OTP: variants seen among roughly 807,000 people sequenced by gnomAD.
OTP encodes homeobox protein orthopedia.
A neutral mutation model predicts 22.3 loss-of-function variants in OTP; 5 were observed. That is an observed-to-expected ratio of 0.22 (90% CI 0.12 to 0.47). The LOEUF is 0.47. Among genes scored for constraint, OTP ranks in the 20% least tolerant of loss-of-function variants. The probability of loss-of-function intolerance (pLI) is 0.99; values close to 1 mark genes in which losing one functional copy is unlikely to be tolerated. For missense variants in OTP, 428 were observed against 456.2 expected, an observed-to-expected ratio of 0.94 and a Z score of 0.56; for synonymous variants, 229 against 210.6, an observed-to-expected ratio of 1.09 and a Z score of -0.76.
intron 2 of OTP, among the ~76,000 whole-genome samples, chr5:77,633,105 ATGTT>A (rs1744955091): frequency 1.3e-5 from 2 of 152,150 alleles, no homozygotes; most frequent in Admixed American, 6.5e-5. Context: ...GAATCCCGAA[ATGTT>A]TGTTTGAGGA....
rs979964757 is a variant in OTP, at chr5:77,628,939, A to T, written c.*1325T>A. 1 of 152,692 alleles carries T rather than the reference A, an allele frequency of 6.5e-6. No homozygotes were observed. Among genetic ancestry groups the T allele is most frequent in the Non-Finnish European group, 1.5e-5 (1 of 68,044 alleles). The allele number at this position is 152,692 out of a possible 1,614,324, so 9.5% of individuals were successfully genotyped here. ...CTATTTCACATATTTGTTCATTCTT[A>T]GAAAGCGCTTCTGTTCTCTGGGTTT... On this transcript the variant is annotated 3_prime_UTR_variant, in exon 3 of 3. Transcript: ENST00000306422.
Position 77,630,812 on chromosome 5 carries a change from G to T in OTP, c.448-18C>A. On this transcript the variant is annotated intron_variant, in intron 2 of 2. Coordinates refer to ENST00000306422, the MANE Select transcript of OTP (RefSeq NM_032109.3). ...AACCAGACCTGGAGCGGGCGGGGCG[G>T]GAGACAGACAGGGAGCTATTAGCCG... is the stretch of plus-strand genomic sequence containing the variant. 1 of 1,518,754 alleles carries T rather than the reference G, an allele frequency of 6.6e-7. No individual in the cohort carries two copies. The highest frequency in any genetic ancestry group is 1.4e-5 in the African/African-American group (1 of 70,108). 94.1% of individuals were successfully genotyped at this position (1,518,754 alleles called of 1,614,324 possible).
Position 77,637,160 on chromosome 5 carries a change from G to A in OTP, c.108C>T (p.Ser36=), listed in dbSNP as rs1269646208. Residue 36 remains serine (S), a synonymous_variant, in exon 2 of 3, where the codon TCC becomes TCT. Coordinates refer to ENST00000306422, the MANE Select transcript of OTP (RefSeq NM_032109.3). ...AVKCRLGVGG[S]DPGGHPGDLA... is the part of the protein sequence containing the mutation. ...GGTCCCCCGGATGGCCCCCGGGGTC[G>A]GAGCCCCCCACGCCCAGCCTACACT... 1 of 1,582,678 alleles carries A rather than the reference G, an allele frequency of 6.3e-7. No homozygotes were observed. Among genetic ancestry groups the A allele is most frequent in the Non-Finnish European group, 8.6e-7 (1 of 1,164,570 alleles).
intron 2 of OTP, among the ~76,000 whole-genome samples, chr5:77,632,132 G>A (rs953003491): frequency 6.6e-6 from 1 of 150,862 alleles, no homozygotes; most frequent in Non-Finnish European, 1.5e-5. Context: ...AGTGGCCCGG[G>A]AGTTACAGAC....
At chr5:77,631,756 G>A (rs1281372420) in intron 2 of OTP, among the ~76,000 whole-genome samples, 2 of 151,672 alleles carry the variant, frequency 1.3e-5, no homozygotes, top group Non-Finnish European at 2.9e-5. Context: ...GTGGAGACGG[G>A]GTTTCACCAT....
intron 1 of OTP, among the ~76,000 whole-genome samples, chr5:77,637,665 C>T (rs993941983): frequency 6.6e-6 from 1 of 152,194 alleles, no homozygotes; most frequent in African/African-American, 2.4e-5. Context: ...ACGAACTGTA[C>T]CTCCGGCCCT....
In OTP at chr5:77,629,291, TG is replaced by T. The variant is rs1744879428; in HGVS notation, c.*972del. ...GATCACCTCTTCCTCGTCACATGAC[TG>T]CTTTAGTCTACTCCAGCCACCCAAT... On this transcript the variant is annotated 3_prime_UTR_variant, in exon 3 of 3. Transcript: ENST00000306422. The T allele has an allele frequency of 6.6e-6, 1 of 152,286 alleles. No individual in the cohort carries two copies. Among genetic ancestry groups the T allele is most frequent in the African/African-American group, 2.4e-5 (1 of 41,480 alleles). The allele number at this position is 152,286 out of a possible 1,614,324, so 9.4% of individuals were successfully genotyped here.
At chr5:77,630,950 G>C (rs2112366762) in intron 2 of OTP, among the ~76,000 whole-genome samples, 156 bp from the exon 3 acceptor site, 1 of 152,346 alleles carries the variant, frequency 6.6e-6, no homozygotes, top group East Asian at 1.9e-4. Flanking sequence ...TACCCAGCCG[G>C]AGACTGTGGC....
intron 1 of OTP, 119 bp downstream of exon 1, chr5:77,638,394 G>A (rs906785242): frequency 2.0e-6 from 2 of 979,728 alleles, no homozygotes; most frequent in African/African-American, 1.6e-5. Flanking sequence ...CTTTAATGCA[G>A]CACAATTACT....
chr5:77,637,115 T>G lies in OTP; in HGVS notation c.153A>C (p.Pro51=), dbSNP rs758279169. The G allele has an allele frequency of 2.1e-5, 34 of 1,610,806 alleles. No homozygotes were observed. Among genetic ancestry groups the G allele is most frequent in the Non-Finnish European group, 2.8e-5 (33 of 1,178,718 alleles). Residue 51 remains proline (P), a synonymous_variant, in exon 2 of 3, where the codon CCA becomes CCC. Transcript: ENST00000306422. Reference sequence around the variant, plus strand: ...CGGGCAGCAGAGTGGCTCCCTCCACTGGGTCAGAGTTGGGCGCCAGGTCCC... The same window carrying G: ...CGGGCAGCAGAGTGGCTCCCTCCACGGGGTCAGAGTTGGGCGCCAGGTCCC... ...HPGDLAPNSD[P]VEGATLLPGE...
At chr5:77,636,753 C>G in intron 2 of OTP, 68 bp downstream of exon 2, 1 of 1,488,058 alleles carries the variant, frequency 6.7e-7, no homozygotes, top group Non-Finnish European at 9.2e-7. Flanking sequence ...AGGGAAGACC[C>G]TGCTCCCTTT....
intron 2 of OTP, among the ~76,000 whole-genome samples, chr5:77,631,525 C>T (rs1414463812): frequency 2.0e-5 from 3 of 149,714 alleles, no homozygotes; most frequent in East Asian, 3.9e-4. Context: ...CTGGAACCTG[C>T]TGCCCCAAGA....
At position 77,636,995 on chromosome 5, in the gene OTP, G is replaced by A; in HGVS notation, c.273C>T (p.Asn91=). 1 of 1,613,680 alleles carries A rather than the reference G, an allele frequency of 6.2e-7. No individual in the cohort carries two copies. The highest frequency in any genetic ancestry group is 8.5e-7 in the Non-Finnish European group (1 of 1,179,890). ...CCTGCTGCTGGCCGGCTTGGCTGGG[G>A]TTCGGGCCGCCCTGGGGCCCGGGCT... ...DKQPGPQGGP[N]PSQAGQQQGQ... is the part of the protein sequence containing the mutation. Residue 91 remains asparagine, a synonymous_variant, in exon 2 of 3, where the codon AAC becomes AAT. Transcript: ENST00000306422.
chr5:77,637,657 G>T (rs1394335429), intron 1 of OTP, among the ~76,000 whole-genome samples: 1 of 152,180 alleles, frequency 6.6e-6, no homozygotes, highest in Non-Finnish European at 1.5e-5. Context: ...GCAGCCTGAC[G>T]AACTGTACCT....
chr5:77,636,673 T>G, intron 2 of OTP, 148 bp downstream of exon 2: 1 of 721,562 alleles, frequency 1.4e-6, no homozygotes, highest in Non-Finnish European at 2.2e-6. Context: ...AGTTTCCGGG[T>G]AGAGAAGGAG....
In OTP at chr5:77,628,729, T is replaced by C. The variant is rs1029302890; in HGVS notation, c.*1535A>G. On this transcript the variant is annotated 3_prime_UTR_variant, in exon 3 of 3. Transcript: ENST00000306422. ...TCTCTATATCACATACTGAAAATGATTTTATTTTATCCATTTACATTTAAC... is the reference window on the plus strand; with the variant it reads ...TCTCTATATCACATACTGAAAATGACTTTATTTTATCCATTTACATTTAAC... 4 of 152,036 alleles carry C rather than the reference T, an allele frequency of 2.6e-5. No individual in the cohort carries two copies. The highest frequency in any genetic ancestry group is 7.3e-5 in the African/African-American group (3 of 41,360). The allele number at this position is 152,036 out of a possible 1,614,324, so 9.4% of individuals were successfully genotyped here.
intron 1 of OTP, 141 bp downstream of exon 1, chr5:77,638,372 A>C: frequency 1.2e-6 from 1 of 806,036 alleles, no homozygotes; most frequent in Non-Finnish European, 2.0e-6. Context: ...GGCGATGTTA[A>C]ATCAAATTAA....
chr5:77,637,169 C>A lies in OTP; in HGVS notation c.99G>T (p.Val33=). ...HREAVKCRLG[V]GGSDPGGHPG... ...GATGGCCCCCGGGGTCGGAGCCCCC[C>A]ACGCCCAGCCTACACTTCACCGCCT... Residue 33 remains valine, a synonymous_variant, in exon 2 of 3, where the codon GTG becomes GTT. Coordinates refer to ENST00000306422, the MANE Select transcript of OTP (RefSeq NM_032109.3). The A allele has an allele frequency of 3.2e-6, 5 of 1,572,850 alleles. No individual in the cohort carries two copies. The highest frequency in any genetic ancestry group is 1.2e-5 in the South Asian group (1 of 86,086).
intron 2 of OTP, among the ~76,000 whole-genome samples, chr5:77,634,112 G>A (rs1223421647): frequency 6.6e-6 from 1 of 152,206 alleles, no homozygotes; most frequent in Admixed American, 6.5e-5. Flanking sequence ...TGAAAGGCAA[G>A]CCTGACTGTG....
Sources: allele counts gnomAD v4.1 joint callset (sites outside exome capture counted in the v4.1 genomes callset), GRCh38; gene constraint gnomAD v4.1.1; transcripts MANE v1.5; gene names NCBI Gene and HGNC (gene_info 2026-07-23, HGNC 2026-07-21).